NKIRAS1: variants seen among roughly 807,000 people sequenced by gnomAD.
NKIRAS1 encodes the protein NF-kappa-B inhibitor-interacting Ras-like protein 1.
In NKIRAS1, 16 loss-of-function variants were observed where a neutral mutation model predicts 19.8. That is an observed-to-expected ratio of 0.81 (90% confidence interval 0.55 to 1.23). The LOEUF (loss-of-function observed/expected upper bound fraction) is 1.23. NKIRAS1 is among the 50% of genes most tolerant of loss of function. The probability of loss-of-function intolerance (pLI) is 0.00; values close to 1 mark genes in which losing one functional copy is unlikely to be tolerated. For synonymous variants in NKIRAS1, 88 were observed against 79.0 expected (o/e 1.11, Z -0.61); for missense variants, 184 against 220.0 (o/e 0.84, Z 1.04).
intron 1 of NKIRAS1, among the ~76,000 whole-genome samples, chr3:23,940,679 TA>T (rs1443002365): frequency 2.0e-5 from 3 of 151,904 alleles, no homozygotes; most frequent in African/African-American, 7.2e-5. Flanking sequence ...TAATTTTTAT[TA>T]TTTCGTTATA....
rs184061112 is a variant in NKIRAS1, at chr3:23,901,019, A to C, written c.125T>G (p.Val42Gly). 5.6e-6 allele frequency: 9 copies of C among 1,614,006 alleles called. No individual in the cohort carries two copies. Among genetic ancestry groups the C allele is most frequent in the Non-Finnish European group, 7.6e-6 (9 of 1,179,990 alleles). ...GTCTGTTTCTACTGAAGCCATGTAT[A>C]CATCTTCCATTGTTTCGCAATCTTC... is the stretch of plus-strand genomic sequence containing the variant. ...GMEDCETMED[V>G]YMASVETDRG... Residue 42 changes from valine to glycine, a missense_variant, in exon 4 of 5, where the codon GTA (valine) becomes GGA (glycine). Val to Gly is a moderately radical substitution (Grantham distance 109, BLOSUM62 -3). Transcript: ENST00000425478.
At chr3:23,911,999 A>T (rs1407454615) in intron 1 of NKIRAS1, among the ~76,000 whole-genome samples, 1 of 151,736 alleles carries the variant, frequency 6.6e-6, no homozygotes, top group East Asian at 1.9e-4. Flanking sequence ...CCTGACCTCA[A>T]GTGATCCGCC....
At chr3:23,898,955 G>C (rs897301264) in intron 4 of NKIRAS1, among the ~76,000 whole-genome samples, 3 of 152,180 alleles carry the variant, frequency 2.0e-5, no homozygotes, top group Non-Finnish European at 2.9e-5. Flanking sequence ...GAGGGATCTA[G>C]GTTGCATGCT....
upstream of NKIRAS1, chr3:23,919,655 A>C: frequency 1.4e-6 from 2 of 1,415,700 alleles, no homozygotes; most frequent in Non-Finnish European, 1.8e-6. Flanking sequence ...GTTTGAAGAC[A>C]ATAAGTGGTG....
chr3:23,918,256 G>A, upstream of NKIRAS1: 2 of 888,810 alleles, frequency 2.3e-6, no homozygotes, highest in South Asian at 3.6e-5. Context: ...AATAAACAGT[G>A]TGCCTCCCTG....
intron 1 of NKIRAS1, among the ~76,000 whole-genome samples, chr3:23,938,950 A>G (rs1705444774): frequency 6.6e-6 from 1 of 152,242 alleles, no homozygotes; most frequent in Admixed American, 6.5e-5. Flanking sequence ...GGAAGTGCCC[A>G]GCTAGCTCCT....
intron 1 of NKIRAS1, chr3:23,945,368 G>T (rs555510712): frequency 3.0e-5 from 5 of 169,446 alleles, no homozygotes; most frequent in African/African-American, 9.6e-5. Context: ...CCAGCGAGGA[G>T]CGCCGCTCGC....
At chr3:23,937,750 A>C (rs962186111) in intron 1 of NKIRAS1, among the ~76,000 whole-genome samples, 9 of 152,242 alleles carry the variant, frequency 5.9e-5, no homozygotes, top group African/African-American at 2.2e-4. Context: ...AGCACTTAAA[A>C]AAATTCAACT....
rs138721887 is a variant in NKIRAS1, at chr3:23,939,570, C to T, written c.-140+6753G>A. Among the ~76,000 whole-genome samples the T allele has an allele frequency of 7.3e-3, 1,111 of 152,214 alleles. 19 individuals carry two copies. Among genetic ancestry groups the T allele is most frequent in the African/African-American group, 0.025 (1,044 of 41,532 alleles). ...CAGCCTGACCAACATGGTAAAACCCCGTCTCTATTAAAATACAAAAATTAG... is the reference window on the plus strand; with the variant it reads ...CAGCCTGACCAACATGGTAAAACCCTGTCTCTATTAAAATACAAAAATTAG... On this transcript the variant is annotated intron_variant, in intron 1 of 4. Coordinates refer to the NKIRAS1 transcript ENST00000421515.
chr3:23,945,577 C>T, intron 1 of NKIRAS1: 1 of 1,173,146 alleles, frequency 8.5e-7, no homozygotes, highest in Non-Finnish European at 1.1e-6. Flanking sequence ...CGCGAGGGCA[C>T]CATGGAGGTG....
chr3:23,902,589 C>T (rs1702624747), intron 3 of NKIRAS1, among the ~76,000 whole-genome samples: 1 of 152,126 alleles, frequency 6.6e-6, no homozygotes, highest in Non-Finnish European at 1.5e-5. Context: ...CCACCAAAAG[C>T]CAGTCCGGTT....
chr3:23,892,774 G>A lies in NKIRAS1; in HGVS notation c.*321C>T, dbSNP rs1308416103. On this transcript the variant is annotated 3_prime_UTR_variant, in exon 5 of 5. Coordinates refer to ENST00000425478, the MANE Select transcript of NKIRAS1 (RefSeq NM_020345.4). The stretch of plus-strand genomic sequence containing the variant: ...CTTCCGAAACAGCTTGGGGTTGGGG[G>A]GAAGTTACACATAGGTGCATTTGCA... 1 of 176,082 alleles carries A rather than the reference G, an allele frequency of 5.7e-6. No individual in the cohort carries two copies. Among genetic ancestry groups the A allele is most frequent in the Non-Finnish European group, 1.2e-5 (1 of 84,014 alleles). 10.9% of individuals were successfully genotyped at this position (176,082 alleles called of 1,614,324 possible). A position where few individuals can be genotyped will look rare whatever the true frequency, so the allele number is the denominator to read the frequency against.
intron 1 of NKIRAS1, chr3:23,915,968 C>T (rs1260570614): frequency 6.6e-6 from 1 of 152,220 alleles, no homozygotes; most frequent in Admixed American, 6.5e-5. Context: ...TGCTTACTGC[C>T]CATTTCCAAG....
intron 4 of NKIRAS1, among the ~76,000 whole-genome samples, chr3:23,896,154 A>C (rs900789187): frequency 1.3e-5 from 2 of 150,942 alleles, no homozygotes; most frequent in Non-Finnish European, 3.0e-5. Flanking sequence ...AAAAAAAAAA[A>C]AACTTCCACA....
intron 1 of NKIRAS1, among the ~76,000 whole-genome samples, chr3:23,937,211 T>G (rs752507171): frequency 5.3e-5 from 8 of 151,852 alleles, no homozygotes; most frequent in Admixed American, 1.3e-4. Context: ...AAACCCAGTC[T>G]CTACAAAAAA....
rs943039408 is a variant in NKIRAS1, at chr3:23,910,122, G to T, written c.94+689C>A. On this transcript the variant is annotated intron_variant, in intron 3 of 4. Transcript: ENST00000425478. ...TCTGCCTGCCTCGGCCTCCCAAAGC[G>T]TTTGGATTACTGGTGTGAGCCACTG... 5.7e-5 allele frequency among the ~76,000 whole-genome samples: 8 copies of T among 140,956 alleles called. No individual in the cohort carries two copies. The East Asian group carries it at 1.7e-3, about 30-fold the overall frequency. The allele number at this position is 140,956 out of a possible 152,430, so 92.5% of individuals were successfully genotyped here.
chr3:23,895,429 C>T (rs1198460337), intron 4 of NKIRAS1, among the ~76,000 whole-genome samples: 3 of 152,170 alleles, frequency 2.0e-5, no homozygotes, highest in Non-Finnish European at 2.9e-5. Flanking sequence ...ACCACAAGGA[C>T]GTACAACCTA....
intron 1 of NKIRAS1, among the ~76,000 whole-genome samples, chr3:23,944,349 G>C (rs1026107731): frequency 6.6e-6 from 1 of 150,864 alleles, no homozygotes; most frequent in Non-Finnish European, 1.5e-5. Context: ...GAGCAAACTG[G>C]AAAGAGTTTT....
At chr3:23,908,935 C>A (rs1290126090) in intron 3 of NKIRAS1, among the ~76,000 whole-genome samples, 2 of 151,022 alleles carry the variant, frequency 1.3e-5, no homozygotes, top group Non-Finnish European at 2.9e-5. Context: ...CCCAGCTGAT[C>A]TTCCCACCTT....
Sources: allele counts gnomAD v4.1 joint callset (sites outside exome capture counted in the v4.1 genomes callset), GRCh38; gene constraint gnomAD v4.1.1; transcripts MANE v1.5; gene names NCBI Gene and HGNC (gene_info 2026-07-23, HGNC 2026-07-21).